Variants in FRYL observed in about 807,000 individuals in gnomAD.
The protein encoded by FRYL is FRY like transcription coactivator.
Under a neutral mutation model 351.2 loss-of-function variants are expected in FRYL, and 150 were observed. The observed-to-expected ratio is 0.43, with a 90% CI of 0.37 to 0.49. The LOEUF (loss-of-function observed/expected upper bound fraction) is 0.49. Ranked by LOEUF, FRYL falls within the 20% of genes least tolerant of loss-of-function variation. The pLI is 0.00. For synonymous variants in FRYL, 1,153 were observed against 1,257.1 expected, an observed-to-expected ratio of 0.92 and a Z score of 1.75; for missense variants, 3,036 against 3,619.3, an observed-to-expected ratio of 0.84 and a Z score of 4.13.
chr4:48,699,040 C>G (rs1766473021), intron 2 of FRYL, among the ~76,000 whole-genome samples: 1 of 151,974 alleles, frequency 6.6e-6, no homozygotes, highest in African/African-American at 2.4e-5. Context: ...TAACCCAAAC[C>G]AGCCCATAAT....
chr4:48,531,245 A>C lies in FRYL; in HGVS notation c.6814T>G (p.Ser2272Ala). 4 of 1,611,692 alleles carry C rather than the reference A, an allele frequency of 2.5e-6. No homozygotes were observed. Among genetic ancestry groups the C allele is most frequent in the African/African-American group, 1.3e-5 (1 of 74,978 alleles). Residue 2272 changes from serine (S) to alanine (A), a missense_variant, in exon 50 of 64, where the codon TCT becomes GCT. By Grantham distance (99) the Ser-to-Ala change is moderately conservative. Around this residue, in one of 7 missense-constraint regions of FRYL, gnomAD observed 1,987 missense variants for 2,311.7 expected, o/e 0.86. Coordinates refer to ENST00000358350, the MANE Select transcript of FRYL (RefSeq NM_015030.2). The part of the protein sequence containing the change: ...IPKTYGGDTG[S>A]PEISFTKIFN... ...ATTTTAGTGAAGGATATTTCAGGAGAACCTGTATCTCCTCCATAGGTCTTG... is the reference window on the plus strand; with the variant it reads ...ATTTTAGTGAAGGATATTTCAGGAGCACCTGTATCTCCTCCATAGGTCTTG...
chr4:48,740,762 C>T (rs544470628), intron 1 of FRYL, among the ~76,000 whole-genome samples: 2 of 152,138 alleles, frequency 1.3e-5, no homozygotes, highest in Non-Finnish European at 2.9e-5. Context: ...AGAGCAATGA[C>T]AAACCAAATG....
rs747057718 is a variant in FRYL at position 48,549,445 on chromosome 4, A to G, written c.4784+28T>C. The G allele has an allele frequency of 9.5e-6, 15 of 1,581,596 alleles. No individual in the cohort carries two copies. Among genetic ancestry groups the G allele is most frequent in the Non-Finnish European group, 6.0e-6 (7 of 1,160,888 alleles). ...AGTGTTCAGCAGCAACTTGGTGCAT[A>G]TGTAAAAGGAATGACGCTGTAGTCC... On this transcript the variant is annotated intron_variant, in intron 39 of 63. Coordinates refer to ENST00000358350, the MANE Select transcript of FRYL (RefSeq NM_015030.2). The surrounding 1 kb of genome is among the most constrained non-coding windows in gnomAD (Gnocchi z 4.2).
intron 43 of FRYL, 45 bp from the exon 44 acceptor site, chr4:48,544,042 A>C (rs1730798546): frequency 6.6e-7 from 1 of 1,520,612 alleles, no homozygotes; most frequent in African/African-American, 1.4e-5. Flanking sequence ...GTTCTTTAGA[A>C]TACTAATGGG....
At chr4:48,704,163 A>C (rs1767053305) in intron 2 of FRYL, among the ~76,000 whole-genome samples, 1 of 152,214 alleles carries the variant, frequency 6.6e-6, no homozygotes, top group African/African-American at 2.4e-5. Context: ...TCTGTTTAAC[A>C]GGAAAAAGAA....
rs757093760 is a variant in FRYL, at chr4:48,550,673, T to G, written c.4552A>C (p.Asn1518His). The change falls in exon 38 of 64, where the codon AAC (asparagine) becomes CAC (histidine). Residue 1518 changes from asparagine (N) to histidine (H), a missense_variant. Physicochemically the swap from Asn to His is moderately conservative, Grantham distance 68. Around this residue, in one of 7 missense-constraint regions of FRYL, gnomAD observed 1,987 missense variants for 2,311.7 expected, o/e 0.86. Coordinates refer to ENST00000358350, the MANE Select transcript of FRYL (RefSeq NM_015030.2). ...YVHLDIYSGL[N>H]SHLNRQHHRL... ...TGATGTTGCCGATTCAAATGACTGT[T>G]TAGTCCACTGTAAATGTCCAGGTGC... 1.2e-6 allele frequency: 2 copies of G among 1,613,750 alleles called. No homozygotes were observed. Among genetic ancestry groups the G allele is most frequent in the Non-Finnish European group, 1.7e-6 (2 of 1,179,752 alleles).
intron 52 of FRYL, 144 bp from the exon 53 acceptor site, chr4:48,527,797 G>T: frequency 1.0e-6 from 1 of 987,904 alleles, no homozygotes; most frequent in Non-Finnish European, 1.5e-6. Context: ...TTAACTAGTT[G>T]AACACATAGT....
At chr4:48,564,247 AT>A in intron 30 of FRYL, 145 bp from the exon 31 acceptor site, 1 of 935,648 alleles carries the variant, frequency 1.1e-6, no homozygotes. Context: ...CCTCCCTCTC[AT>A]TTTATTCAGC....
At chr4:48,535,568 T>C in intron 48 of FRYL, 89 bp downstream of exon 48, 2 of 617,286 alleles carry the variant, frequency 3.2e-6, no homozygotes, top group African/African-American at 2.2e-5. Context: ...AATATATATA[T>C]GTGTATATAT....
intron 3 of FRYL, among the ~76,000 whole-genome samples, chr4:48,655,969 G>A (rs1203479087): frequency 2.2e-5 from 3 of 137,574 alleles, no homozygotes; most frequent in Non-Finnish European, 3.0e-5. Flanking sequence ...TATATATAAT[G>A]TGCATTATAT....
At position 48,718,573 on chromosome 4, in the gene FRYL, T is replaced by C. The variant is rs544455300; in HGVS notation, c.-383-7875A>G. Among the ~76,000 whole-genome samples, 29 of 151,554 alleles carry C rather than the reference T, an allele frequency of 1.9e-4. 2 individuals are homozygous for C. In the Middle Eastern group the frequency reaches 0.014, roughly 72 times the overall value. On this transcript the variant is annotated intron_variant, in intron 1 of 63. Transcript: ENST00000358350. ...AGTGTGAAAATTGACCCTATTAAAT[T>C]TGAATTCTCTCTTACAGAGGTTGAG...
chr4:48,738,297 C>G (rs746957733), intron 1 of FRYL, among the ~76,000 whole-genome samples: 4 of 152,252 alleles, frequency 2.6e-5, no homozygotes, highest in Non-Finnish European at 1.5e-5. Context: ...CAACTACTTT[C>G]CTATAAACCA....
At chr4:48,712,088 C>G (rs1466424439) in intron 1 of FRYL, among the ~76,000 whole-genome samples, 1 of 151,940 alleles carries the variant, frequency 6.6e-6, no homozygotes, top group African/African-American at 2.4e-5. Flanking sequence ...CATCAAAGAC[C>G]AAAAGTAGAT....
intron 1 of FRYL, among the ~76,000 whole-genome samples, chr4:48,711,075 G>C (rs780273812): frequency 2.6e-5 from 4 of 152,172 alleles, no homozygotes; most frequent in Admixed American, 6.5e-5. Flanking sequence ...CATTATGCTG[G>C]GGGGAGGAGC....
Position 48,567,437 on chromosome 4 carries a change from A to C in FRYL, c.2997-17T>G, listed in dbSNP as rs1489940935. 6.4e-7 allele frequency: 1 copy of C among 1,566,022 alleles called. No homozygotes were observed. On this transcript the variant is annotated splice_polypyrimidine_tract_variant and intron_variant, in intron 27 of 63. Coordinates refer to ENST00000358350, the MANE Select transcript of FRYL (RefSeq NM_015030.2). This position sits in a 1 kb window ranked among gnomAD's most constrained non-coding sequence, Gnocchi z 4.2. ...CCACTTGCACTGAAAATATTGAAGA[A>C]AACAAAAGATGAAGTAAATGGGACT... is the stretch of plus-strand genomic sequence containing the variant.
intron 13 of FRYL, among the ~76,000 whole-genome samples, chr4:48,597,535 C>T (rs1413293983): frequency 2.6e-5 from 4 of 151,868 alleles, no homozygotes; most frequent in South Asian, 2.1e-4. Context: ...CAGGAAATCT[C>T]GGTACCCTCC....
intron 3 of FRYL, among the ~76,000 whole-genome samples, chr4:48,641,181 A>C (rs1219136474): frequency 6.6e-6 from 1 of 152,144 alleles, no homozygotes; most frequent in Non-Finnish European, 1.5e-5. Flanking sequence ...TGAAGAGGAA[A>C]AAAGGAAATA....
intron 4 of FRYL, among the ~76,000 whole-genome samples, chr4:48,633,080 T>C (rs1753577552): frequency 2.0e-5 from 3 of 152,132 alleles, no homozygotes; most frequent in African/African-American, 7.2e-5. Flanking sequence ...ACAACATCCT[T>C]CGCCTTCCTC....
intron 27 of FRYL, among the ~76,000 whole-genome samples, chr4:48,570,014 A>G (rs1054824447): frequency 6.6e-6 from 1 of 151,882 alleles, no homozygotes; most frequent in Non-Finnish European, 1.5e-5. Context: ...GGATTTTGCT[A>G]TGTTGCCTAG....
Sources: gnomAD v4.1 joint callset for allele counts (sites outside exome capture counted in the v4.1 genomes callset) on GRCh38, gnomAD v4.1.1 for gene constraint, gnomAD v4.1.1 regional missense constraint, Gnocchi (gnomAD v3.1) non-coding constraint, MANE v1.5 for transcripts, NCBI Gene and HGNC (gene_info 2026-07-23, HGNC 2026-07-21) for gene names.